The following CUBN variants were observed in gnomAD, a reference collection of about 807,000 sequenced individuals.
CUBN encodes cubilin, also known as 460 kDa receptor.
A neutral mutation model predicts 405.3 loss-of-function variants in CUBN; 282 were observed. The observed-to-expected ratio is 0.70, with a 90% CI of 0.63 to 0.77. The LOEUF (loss-of-function observed/expected upper bound fraction) is 0.77. CUBN is among the 30% of genes least tolerant of loss of function. The probability of loss-of-function intolerance (pLI) is 0.00; values close to 1 mark genes in which losing one functional copy is unlikely to be tolerated. For synonymous variants in CUBN, 1,684 were observed against 1,617.0 expected (o/e 1.04, Z -0.99); for missense variants, 4,514 against 4,475.2 (o/e 1.01, Z -0.25).
rs150846323 is a variant in CUBN, at chr10:16,907,545, G to A, written c.7668C>T (p.Gly2556=). Residue 2556 remains glycine (G), a synonymous_variant, in exon 49 of 67, where the codon GGC becomes GGT. Coordinates refer to ENST00000377833, the MANE Select transcript of CUBN (RefSeq NM_001081.4). ...IFFTDGSRPY[G]GFTASYTSSE... Reference sequence around the variant, plus strand: ...TGGAGGTATAGGAAGCAGTGAAGCCGCCATATGGCCTGGATCCATCCGTGA... The same window carrying A: ...TGGAGGTATAGGAAGCAGTGAAGCCACCATATGGCCTGGATCCATCCGTGA... The A allele has an allele frequency of 6.4e-5, 103 of 1,613,996 alleles. No individual in the cohort carries two copies. The highest frequency in any genetic ancestry group is 1.7e-4 in the Middle Eastern group (1 of 6,056).
At chr10:17,127,467 G>T (rs1837226742) in intron 3 of CUBN, among the ~76,000 whole-genome samples, 1 of 138,028 alleles carries the variant, frequency 7.2e-6, no homozygotes, top group African/African-American at 2.7e-5. Context: ...TAGAGACGGA[G>T]TCTCACTATG....
chr10:16,963,851 A>G (rs1843312150), intron 31 of CUBN, among the ~76,000 whole-genome samples: 2 of 152,236 alleles, frequency 1.3e-5, no homozygotes, highest in Non-Finnish European at 2.9e-5. Context: ...AAAATATGCA[A>G]AATAATATTT....
chr10:17,036,501 C>T (rs1432890697), intron 27 of CUBN, among the ~76,000 whole-genome samples: 1 of 152,076 alleles, frequency 6.6e-6, no homozygotes, highest in African/African-American at 2.4e-5. Context: ...CTCAAAGTAA[C>T]CAGCCTGTCA....
chr10:17,102,253 C>CTATT lies in CUBN; in HGVS notation c.1530+868_1530+871dup, dbSNP rs58806014. Among the ~76,000 whole-genome samples, 1,248 of 144,168 alleles carry CTATT rather than the reference C, an allele frequency of 8.7e-3. 22 individuals carry two copies. Among genetic ancestry groups the CTATT allele is most frequent in the African/African-American group, 0.027 (1,092 of 39,716 alleles). The allele number at this position is 144,168 out of a possible 152,430, so 94.6% of individuals were successfully genotyped here. On this transcript the variant is annotated intron_variant, in intron 13 of 66. Coordinates refer to ENST00000377833, the MANE Select transcript of CUBN (RefSeq NM_001081.4). Reference sequence around the variant, plus strand: ...TTTCATCTATAAAAGGAGGATCCTCCTATTTATTTATTTATTTATTTATTT... The same window carrying CTATT: ...TTTCATCTATAAAAGGAGGATCCTCCTATTTATTTATTTATTTATTTATTTATTT...
intron 22 of CUBN, among the ~76,000 whole-genome samples, chr10:17,059,961 C>T (rs949697939): frequency 6.6e-6 from 1 of 152,158 alleles, no homozygotes; most frequent in Non-Finnish European, 1.5e-5. Flanking sequence ...AACAGCCAGG[C>T]ATTATCACCA....
At chr10:16,982,445 G>A (rs1554804833) in intron 31 of CUBN, 39 bp downstream of exon 31, 1 of 1,572,502 alleles carries the variant, frequency 6.4e-7, no homozygotes, top group East Asian at 2.2e-5. Flanking sequence ...TTTGACCGAG[G>A]TTTGACTGGA....
At chr10:16,903,707 T>C (rs1026868817) in intron 51 of CUBN, among the ~76,000 whole-genome samples, 11 of 148,106 alleles carry the variant, frequency 7.4e-5, no homozygotes, top group African/African-American at 2.7e-4. Context: ...ATTTTAAAAT[T>C]TAATAATTTT....
rs1269538851 is a variant in CUBN at position 17,105,507 on chromosome 10, G to A, written c.1180C>T (p.Gln394Ter). 2 of 1,611,924 alleles carry A rather than the reference G, an allele frequency of 1.2e-6. No homozygotes were observed. The highest frequency in any genetic ancestry group is 1.7e-6 in the Non-Finnish European group (2 of 1,177,962). Residue 394 changes from glutamine (Q) to a stop codon, truncating the protein, a stop_gained, in exon 11 of 67, where the codon CAG (glutamine) becomes TAG (stop). Coordinates refer to ENST00000377833, the MANE Select transcript of CUBN (RefSeq NM_001081.4). LOFTEE classifies it high-confidence loss of function. ...TGACTTAGGCAAATATTACTGAGCT[G>A]CACACATCCATTTGGCCCATAACCA... ...GNGYGPNGCV[Q>*]LSNICLSHPC...
intron 36 of CUBN, among the ~76,000 whole-genome samples, chr10:16,945,738 G>A (rs1407427423): frequency 7.4e-6 from 1 of 135,606 alleles, no homozygotes; most frequent in East Asian, 2.2e-4. Flanking sequence ...TTGCACTCCA[G>A]CCTGGGCAAC....
intron 51 of CUBN, among the ~76,000 whole-genome samples, chr10:16,902,395 T>G (rs1053996997): frequency 3.4e-5 from 5 of 148,276 alleles, no homozygotes; most frequent in African/African-American, 1.2e-4. Context: ...TGAAATTAAA[T>G]AGAAGAAAAG....
At chr10:16,875,441 G>A (rs1473195045) in intron 57 of CUBN, among the ~76,000 whole-genome samples, 1 of 152,134 alleles carries the variant, frequency 6.6e-6, no homozygotes, top group Non-Finnish European at 1.5e-5. Context: ...CAGTGGACAC[G>A]TTCCACTTTA....
chr10:17,018,045 T>A (rs1050835449), intron 28 of CUBN, among the ~76,000 whole-genome samples: 1 of 151,956 alleles, frequency 6.6e-6, no homozygotes, highest in African/African-American at 2.4e-5. Context: ...AGCCCAGAAG[T>A]ACAGGAAAAG....
chr10:17,042,189 T>G (rs186089840), intron 26 of CUBN, among the ~76,000 whole-genome samples: 70 of 152,322 alleles, frequency 4.6e-4, no homozygotes, highest in African/African-American at 1.5e-3. Flanking sequence ...GCAGGGAGAA[T>G]ACTTAAACCC....
intron 36 of CUBN, among the ~76,000 whole-genome samples, chr10:16,942,218 G>GCA (rs1172067248): frequency 6.6e-6 from 1 of 152,150 alleles, no homozygotes; most frequent in East Asian, 1.9e-4. Flanking sequence ...TCGTGGGACT[G>GCA]CATACTGACA....
At chr10:17,127,086 A>G (rs1468584366) in intron 3 of CUBN, among the ~76,000 whole-genome samples, 2 of 151,986 alleles carry the variant, frequency 1.3e-5, no homozygotes, top group African/African-American at 4.8e-5. Flanking sequence ...GGAAATGTTC[A>G]TAAATGTCAG....
At chr10:17,007,232 G>A (rs938745002) in intron 28 of CUBN, among the ~76,000 whole-genome samples, 38 of 118,936 alleles carry the variant, frequency 3.2e-4, no homozygotes, top group African/African-American at 1.1e-3. Flanking sequence ...GAATTCAGCC[G>A]CTGGACAATG....
chr10:16,944,255 C>T (rs1588505271), intron 36 of CUBN, among the ~76,000 whole-genome samples: 1 of 152,192 alleles, frequency 6.6e-6, no homozygotes, highest in South Asian at 2.1e-4. Context: ...GGAAAATGAT[C>T]TCCCTTTCTT....
At chr10:16,844,477 T>C (rs1424978232) in intron 60 of CUBN, among the ~76,000 whole-genome samples, 1 of 152,130 alleles carries the variant, frequency 6.6e-6, no homozygotes, top group African/African-American at 2.4e-5. Context: ...ATACATTTCA[T>C]CCAAGGAGTC....
intron 56 of CUBN, among the ~76,000 whole-genome samples, chr10:16,880,997 T>A (rs759887926): frequency 6.6e-6 from 1 of 152,298 alleles, no homozygotes; most frequent in Admixed American, 6.5e-5. Context: ...TATTGCCAAA[T>A]TATGTACCTT....
Sources: gnomAD v4.1 joint callset for allele counts (sites outside exome capture counted in the v4.1 genomes callset) on GRCh38, gnomAD v4.1.1 for gene constraint, MANE v1.5 for transcripts, NCBI Gene and HGNC (gene_info 2026-07-23, HGNC 2026-07-21) for gene names.